HECTD4: variants seen among roughly 807,000 people sequenced by gnomAD.
The protein encoded by HECTD4 is HECT domain E3 ubiquitin protein ligase 4, also known as probable E3 ubiquitin-protein ligase HECTD4.
HECTD4 carries 114 observed loss-of-function variants against 471.5 expected under a neutral mutation model. The ratio of observed to expected loss-of-function variants is 0.24; its 90% confidence interval spans 0.21 to 0.28. HECTD4 has a LOEUF of 0.28. Among genes scored for constraint, HECTD4 ranks in the 10% least tolerant of loss-of-function variants. The pLI, the probability that HECTD4 is intolerant of heterozygous loss-of-function variation, is 1.00. For synonymous variants in HECTD4, 2,012 were observed against 2,256.0 expected, an observed-to-expected ratio of 0.89 and a Z score of 3.07; for missense variants, 3,866 against 5,651.5, an observed-to-expected ratio of 0.68 and a Z score of 10.13.
chr12:112,302,389 T>A, intron 7 of HECTD4: 1 of 754,538 alleles, frequency 1.3e-6, no homozygotes, highest in South Asian at 1.4e-5. Context: ...GCTTAAGCAG[T>A]TGAGTAACTG....
intron 1 of HECTD4, among the ~76,000 whole-genome samples, chr12:112,369,464 C>A (rs2036628977): frequency 6.6e-6 from 1 of 151,750 alleles, no homozygotes; most frequent in East Asian, 1.9e-4. Flanking sequence ...GCCTCAGCCT[C>A]CCAAGTAGCT....
In HECTD4 at chr12:112,185,072, G is replaced by A. The variant is rs781661340; in HGVS notation, c.9894C>T (p.Ser3298=). The A allele has an allele frequency of 1.2e-5, 19 of 1,582,012 alleles. No homozygotes were observed. The highest frequency in any genetic ancestry group is 1.8e-5 in the Admixed American group (1 of 54,100). ...TGGGACTCTGTGGGGTCTGTCCTGG[G>A]GAGGACGAGGAGGAGGAGGACGAGT... The part of the protein sequence containing the change: ...LSDSSSSSSS[S]PGQTPQSPSL... The change falls in exon 61 of 76, where the codon TCC becomes TCT. Residue 3298 remains serine (S), a synonymous_variant. Transcript: ENST00000682272.
intron 66 of HECTD4, among the ~76,000 whole-genome samples, chr12:112,174,551 G>T (rs1249945264): frequency 1.3e-5 from 2 of 152,024 alleles, no homozygotes; most frequent in East Asian, 3.9e-4. Context: ...ACCATGCTCA[G>T]CCTTGGTAGC....
intron 1 of HECTD4, among the ~76,000 whole-genome samples, chr12:112,360,321 C>A (rs533226264): frequency 6.6e-6 from 1 of 152,076 alleles, no homozygotes; most frequent in Non-Finnish European, 1.5e-5. Flanking sequence ...CAGAGTGAGA[C>A]CCTGTCTCTA....
chr12:112,296,518 T>C (rs1443942127), intron 7 of HECTD4, among the ~76,000 whole-genome samples: 2 of 149,462 alleles, frequency 1.3e-5, no homozygotes, highest in African/African-American at 5.0e-5. Flanking sequence ...GTGCAGAGGG[T>C]GTAGGTGCAG....
chr12:112,238,958 G>A (rs780776900), intron 34 of HECTD4, 94 bp downstream of exon 34: 2 of 1,202,944 alleles, frequency 1.7e-6, no homozygotes, highest in African/African-American at 1.5e-5. Flanking sequence ...ATTTAATAGA[G>A]GCTTTCTCTC....
intron 44 of HECTD4, among the ~76,000 whole-genome samples, chr12:112,219,864 T>G (rs550040716): frequency 1.0e-3 from 156 of 151,906 alleles, no homozygotes; most frequent in African/African-American, 3.5e-3. Context: ...CCTCCCAAAG[T>G]GCTGGGATTA....
intron 4 of HECTD4, 50 bp from the exon 5 acceptor site, chr12:112,309,719 A>G: frequency 1.2e-6 from 1 of 830,834 alleles, no homozygotes; most frequent in Non-Finnish European, 1.8e-6. Flanking sequence ...TTTCTATTGA[A>G]ATTATAAACA....
intron 9 of HECTD4, among the ~76,000 whole-genome samples, chr12:112,276,693 CCA>C: frequency 6.6e-6 from 1 of 152,334 alleles, no homozygotes; most frequent in African/African-American, 2.4e-5. Flanking sequence ...GATCTGCCCG[CCA>C]CAGCCTCCCA....
Position 112,319,680 on chromosome 12 carries a change from C to G in HECTD4, c.240G>C (p.Gly80=), listed in dbSNP as rs993964941. The change falls in exon 2 of 76, where the codon GGG becomes GGC. Residue 80 remains glycine (G), a synonymous_variant. Coordinates refer to ENST00000682272, the MANE Select transcript of HECTD4 (RefSeq NM_001388303.1). This position sits in a 1 kb window ranked among gnomAD's most constrained non-coding sequence, Gnocchi z 5.3. ...ELAERLRSVC[G]NQSNAYARLL... Reference sequence around the variant, plus strand: ...GCCGGGCATAGGCATTGCTCTGATTCCCACAAACAGAGCGCAAACGTTCTG... The same window carrying G: ...GCCGGGCATAGGCATTGCTCTGATTGCCACAAACAGAGCGCAAACGTTCTG... The G allele has an allele frequency of 7.6e-7, 1 of 1,307,860 alleles. No homozygotes were observed. Among genetic ancestry groups the G allele is most frequent in the Non-Finnish European group, 9.7e-7 (1 of 1,031,754 alleles). 81.0% of individuals were successfully genotyped at this position (1,307,860 alleles called of 1,614,324 possible).
chr12:112,359,667 C>G lies in HECTD4; in HGVS notation c.177+22285G>C, dbSNP rs142422277. ...CTTCTGGCCTCCAGTAATCCACTCA[C>G]CTTGGCCTCCCAAAGTGCTGGGATT... On this transcript the variant is annotated intron_variant, in intron 1 of 75. Coordinates refer to ENST00000682272, the MANE Select transcript of HECTD4 (RefSeq NM_001388303.1). Among the ~76,000 whole-genome samples, 555 of 152,226 alleles carry G rather than the reference C, an allele frequency of 3.6e-3. 2 individuals carry two copies. The highest frequency in any genetic ancestry group is 0.013 in the African/African-American group (530 of 41,546).
chr12:112,335,642 C>G (rs980082665), intron 1 of HECTD4, among the ~76,000 whole-genome samples: 9 of 151,996 alleles, frequency 5.9e-5, no homozygotes, highest in Non-Finnish European at 1.2e-4. Flanking sequence ...GAGCCAAGAT[C>G]ACACCGCTGC....
chr12:112,203,433 C>T (rs750130604), intron 54 of HECTD4: 3 of 457,624 alleles, frequency 6.6e-6, no homozygotes, highest in Non-Finnish European at 1.2e-5. Context: ...GAGAGCCTAC[C>T]ATCTACTGCC....
intron 20 of HECTD4, among the ~76,000 whole-genome samples, chr12:112,257,879 G>A (rs1385761624): frequency 1.3e-5 from 2 of 152,148 alleles, no homozygotes; most frequent in Non-Finnish European, 2.9e-5. Context: ...CATACAATAG[G>A]TGTATGTTTA....
At chr12:112,203,526 T>C (rs2032490185) in intron 54 of HECTD4, 110 bp downstream of exon 54, 4 of 914,926 alleles carry the variant, frequency 4.4e-6, no homozygotes, top group Middle Eastern at 4.5e-4. Flanking sequence ...CGTCCCTGAT[T>C]TGAAGAGAAA....
chr12:112,231,402 C>T, intron 39 of HECTD4, 111 bp downstream of exon 39: 1 of 1,038,204 alleles, frequency 9.6e-7, no homozygotes, highest in South Asian at 1.4e-5. Flanking sequence ...AGATGGCGGC[C>T]TCATTTCCAA....
In HECTD4 at chr12:112,169,995, A is replaced by G. The variant is rs975367882; in HGVS notation, c.12053-337T>C. ...CCCCCTTCTGTCTATACGCTGTGGCAGAGACTCTGGGGAGCCTCCCCAGTG... is the reference window on the plus strand; with the variant it reads ...CCCCCTTCTGTCTATACGCTGTGGCGGAGACTCTGGGGAGCCTCCCCAGTG... On this transcript the variant is annotated intron_variant, in intron 69 of 75. Coordinates refer to ENST00000682272, the MANE Select transcript of HECTD4 (RefSeq NM_001388303.1). 74 of 534,642 alleles carry G rather than the reference A, an allele frequency of 1.4e-4. 2 individuals carry two copies. Among genetic ancestry groups the G allele is most frequent in the South Asian group, 8.9e-4 (42 of 47,380 alleles). 33.1% of individuals were successfully genotyped at this position (534,642 alleles called of 1,614,324 possible).
chr12:112,215,485 T>C (rs2032892844), intron 48 of HECTD4, among the ~76,000 whole-genome samples: 1 of 152,170 alleles, frequency 6.6e-6, no homozygotes, highest in Non-Finnish European at 1.5e-5. Context: ...CTAATTCAAC[T>C]ACTATACAGA....
At chr12:112,282,142 G>A (rs796205646) in intron 8 of HECTD4, among the ~76,000 whole-genome samples, 15 of 152,236 alleles carry the variant, frequency 9.9e-5, no homozygotes, top group African/African-American at 3.6e-4. Context: ...CCAGCACTTT[G>A]GGAGGCCAAG....
Sources: allele counts gnomAD v4.1 joint callset (sites outside exome capture counted in the v4.1 genomes callset), GRCh38; gene constraint gnomAD v4.1.1; non-coding constraint Gnocchi (gnomAD v3.1); transcripts MANE v1.5; gene names NCBI Gene and HGNC (gene_info 2026-07-23, HGNC 2026-07-21).